Variants in SUGCT observed in about 807,000 individuals in gnomAD.
SUGCT encodes the protein succinyl-CoA:glutarate CoA-transferase.
SUGCT carries 41 observed loss-of-function variants against 55.0 expected under a neutral mutation model. The observed-to-expected ratio is 0.74, with a 90% CI of 0.58 to 0.97. The LOEUF (loss-of-function observed/expected upper bound fraction) is 0.97, where lower values mean the gene tolerates loss of function less well. SUGCT is among the 50% of genes least tolerant of loss of function. The pLI is 0.00. For synonymous variants in SUGCT, 187 were observed against 200.4 expected, an observed-to-expected ratio of 0.93 and a Z score of 0.56; for missense variants, 568 against 547.8, an observed-to-expected ratio of 1.04 and a Z score of -0.37.
the SUGCT span, among the ~76,000 whole-genome samples, chr7:40,927,042 A>G: frequency 6.6e-6 from 1 of 152,176 alleles, no homozygotes; most frequent in Non-Finnish European, 1.5e-5. Flanking sequence ...CAAAATCTCA[A>G]TATGGGAAAC....
At chr7:40,857,021 T>TC (rs1169492991) in intron 13 of SUGCT, among the ~76,000 whole-genome samples, 2 of 152,202 alleles carry the variant, frequency 1.3e-5, no homozygotes, top group Non-Finnish European at 2.9e-5. Flanking sequence ...ATTGCTGACT[T>TC]CGTTTTAGAA....
intron 8 of SUGCT, among the ~76,000 whole-genome samples, chr7:40,311,148 C>T (rs977818155): frequency 6.6e-6 from 1 of 152,156 alleles, no homozygotes; most frequent in Admixed American, 6.5e-5. Context: ...TTGGTTTCTC[C>T]TCTCTGTCAC....
intron 7 of SUGCT, among the ~76,000 whole-genome samples, chr7:40,252,945 C>G (rs1790534086): frequency 6.6e-6 from 1 of 152,140 alleles, no homozygotes; most frequent in Non-Finnish European, 1.5e-5. Context: ...CCATGCAAGG[C>G]TAAAACTTAT....
At chr7:40,415,525 A>G (rs1389155527) in intron 9 of SUGCT, among the ~76,000 whole-genome samples, 2 of 151,364 alleles carry the variant, frequency 1.3e-5, no homozygotes, top group East Asian at 1.9e-4. Flanking sequence ...TATCTAATCA[A>G]ATATTTCTGA....
the SUGCT span, among the ~76,000 whole-genome samples, chr7:40,899,754 GA>G: frequency 2.0e-5 from 3 of 151,412 alleles, no homozygotes; most frequent in East Asian, 1.9e-4. Flanking sequence ...ATTTAAAGAG[GA>G]AAAAAAACTT....
intron 9 of SUGCT, among the ~76,000 whole-genome samples, chr7:40,325,820 AAAC>A (rs1795998483): frequency 2.0e-5 from 3 of 151,916 alleles, no homozygotes; most frequent in Admixed American, 1.3e-4. Flanking sequence ...AAAACAAAAC[AAAC>A]AACAACAACA....
At chr7:40,213,257 A>G (rs1282200445) in intron 6 of SUGCT, among the ~76,000 whole-genome samples, 1 of 152,012 alleles carries the variant, frequency 6.6e-6, no homozygotes, top group Non-Finnish European at 1.5e-5. Flanking sequence ...TAATGATTAT[A>G]CCTCCTTCGA....
chr7:40,891,966 C>T, the SUGCT span, among the ~76,000 whole-genome samples: 12 of 151,948 alleles, frequency 7.9e-5, no homozygotes, highest in Non-Finnish European at 1.6e-4. Flanking sequence ...CGAGATCATG[C>T]CACTGCACTC....
intron 6 of SUGCT, among the ~76,000 whole-genome samples, chr7:40,200,708 T>C (rs1786541505): frequency 6.6e-6 from 1 of 151,922 alleles, no homozygotes; most frequent in South Asian, 2.1e-4. Flanking sequence ...ATCATAATCT[T>C]TAAAAGAAGT....
chr7:40,776,863 G>A (rs539229452), intron 13 of SUGCT, among the ~76,000 whole-genome samples: 2 of 152,224 alleles, frequency 1.3e-5, no homozygotes, highest in South Asian at 4.2e-4. Context: ...CCTGGGACAG[G>A]GCCCTACCAG....
chr7:40,263,533 A>T (rs369063728), intron 7 of SUGCT, among the ~76,000 whole-genome samples: 1 of 152,178 alleles, frequency 6.6e-6, no homozygotes, highest in African/African-American at 2.4e-5. Flanking sequence ...CACAGTATTT[A>T]TTTAAATTGA....
At chr7:40,852,836 T>C (rs1200413183) in intron 13 of SUGCT, among the ~76,000 whole-genome samples, 4 of 152,156 alleles carry the variant, frequency 2.6e-5, no homozygotes, top group African/African-American at 9.7e-5. Flanking sequence ...AATAATTTTA[T>C]AATTTTTAGC....
chr7:40,273,012 G>C (rs1296839609), intron 7 of SUGCT, among the ~76,000 whole-genome samples: 2 of 152,010 alleles, frequency 1.3e-5, no homozygotes, highest in African/African-American at 4.8e-5. Flanking sequence ...GATCCATGCA[G>C]TTCAGAACTT....
At chr7:40,374,408 C>T (rs1399242628) in intron 9 of SUGCT, among the ~76,000 whole-genome samples, 1 of 152,110 alleles carries the variant, frequency 6.6e-6, no homozygotes, top group East Asian at 1.9e-4. Flanking sequence ...GTGGATTTAA[C>T]CTGAGCGTTC....
intron 12 of SUGCT, among the ~76,000 whole-genome samples, chr7:40,516,420 C>G (rs1291059767): frequency 6.6e-6 from 1 of 152,140 alleles, no homozygotes; most frequent in Admixed American, 6.6e-5. Flanking sequence ...ATTGCCTAAT[C>G]TGAGGACATG....
At chr7:40,154,790 T>C (rs1386007455) in intron 1 of SUGCT, among the ~76,000 whole-genome samples, 3 of 152,220 alleles carry the variant, frequency 2.0e-5, no homozygotes, top group Non-Finnish European at 2.9e-5. Flanking sequence ...AAGTGAAGTA[T>C]TGCATTTTGT....
At chr7:40,877,200 A>G in the SUGCT span, among the ~76,000 whole-genome samples, 1 of 152,192 alleles carries the variant, frequency 6.6e-6, no homozygotes, top group Non-Finnish European at 1.5e-5. Flanking sequence ...GCTTGTAATC[A>G]ACACATTAAA....
the SUGCT span, among the ~76,000 whole-genome samples, chr7:40,888,592 A>G: frequency 5.9e-5 from 9 of 152,252 alleles, no homozygotes; most frequent in African/African-American, 2.2e-4. Flanking sequence ...TTTAAGGCAC[A>G]TTCATAGGTT....
At chr7:40,384,847 C>G (rs1039360039) in intron 9 of SUGCT, among the ~76,000 whole-genome samples, 4 of 152,034 alleles carry the variant, frequency 2.6e-5, no homozygotes, top group African/African-American at 9.7e-5. Flanking sequence ...GCCCGGCTCC[C>G]TCAGTCATTC....
Sources: gnomAD v4.1 joint callset for allele counts (sites outside exome capture counted in the v4.1 genomes callset) on GRCh38, gnomAD v4.1.1 for gene constraint, MANE v1.5 for transcripts, NCBI Gene and HGNC (gene_info 2026-07-23, HGNC 2026-07-21) for gene names.